Variants in NLGN1 observed in about 807,000 individuals in gnomAD.
The protein encoded by NLGN1 is neuroligin-1.
A neutral mutation model predicts 65.5 loss-of-function variants in NLGN1; 12 were observed. The ratio of observed to expected loss-of-function variants is 0.18; its 90% CI spans 0.12 to 0.30. The LOEUF (loss-of-function observed/expected upper bound fraction) is 0.30, where lower values mean the gene tolerates loss of function less well. NLGN1 is among the 10% of genes least tolerant of loss of function. NLGN1 has a pLI of 1.00. For synonymous variants in NLGN1, 350 were observed against 359.5 expected, an observed-to-expected ratio of 0.97 and a Z score of 0.30; for missense variants, 750 against 1,007.1, an observed-to-expected ratio of 0.74 and a Z score of 3.46.
chr3:173,702,092 A>G (rs1767263432), intron 3 of NLGN1, among the ~76,000 whole-genome samples: 1 of 151,042 alleles, frequency 6.6e-6, no homozygotes, highest in Non-Finnish European at 1.5e-5. Context: ...ACAAAAAATT[A>G]GCTGGGCGTA....
At chr3:174,282,593 G>GTGTGAT (rs1268776964) in exon 7 of NLGN1, 2 of 152,114 alleles carry the variant, frequency 1.3e-5, no homozygotes, top group Admixed American at 1.3e-4. Flanking sequence ...TTACACATAT[G>GTGTGAT]TGTGATTTTA....
intron 4 of NLGN1, among the ~76,000 whole-genome samples, chr3:173,831,686 C>T (rs372951453): frequency 2.0e-5 from 3 of 152,212 alleles, no homozygotes; most frequent in South Asian, 2.1e-4. Context: ...ATAACAATCA[C>T]GTGCATTTTA....
At chr3:173,539,799 T>TATATATGTAC (rs766904462) in intron 2 of NLGN1, among the ~76,000 whole-genome samples, 1 of 43,910 alleles carries the variant, frequency 2.3e-5, no homozygotes, top group African/African-American at 9.1e-5. Context: ...CATATATACA[T>TATATATGTAC]ATATATACAT....
At chr3:173,587,181 G>T (rs1747609056) in intron 2 of NLGN1, among the ~76,000 whole-genome samples, 1 of 152,162 alleles carries the variant, frequency 6.6e-6, no homozygotes, top group Non-Finnish European at 1.5e-5. Flanking sequence ...ATGTGCCTTT[G>T]TAGTGCCTGG....
intron 4 of NLGN1, among the ~76,000 whole-genome samples, chr3:173,867,463 A>G (rs142544542): frequency 0.021 from 3,268 of 152,282 alleles, 41 homozygotes; most frequent in African/African-American, 0.038. Context: ...TCTTTGATAA[A>G]TAAATTGAGC....
chr3:174,150,785 G>A (rs181815126), intron 4 of NLGN1, among the ~76,000 whole-genome samples: 3 of 152,202 alleles, frequency 2.0e-5, no homozygotes, highest in Non-Finnish European at 2.9e-5. Flanking sequence ...GTAGAAAGCC[G>A]TAATGTTGGA....
intron 2 of NLGN1, among the ~76,000 whole-genome samples, chr3:173,601,804 TA>T (rs1750586694): frequency 6.6e-6 from 1 of 151,958 alleles, no homozygotes; most frequent in African/African-American, 2.4e-5. Context: ...AAAATATGTA[TA>T]AAAATATATA....
intron 4 of NLGN1, among the ~76,000 whole-genome samples, chr3:174,180,532 T>C (rs1248195523): frequency 6.6e-6 from 1 of 152,172 alleles, no homozygotes; most frequent in Non-Finnish European, 1.5e-5. Flanking sequence ...GTCTCTTCTC[T>C]CTTAAAGCCA....
At chr3:173,591,641 C>T (rs1230622525) in intron 2 of NLGN1, among the ~76,000 whole-genome samples, 2 of 152,200 alleles carry the variant, frequency 1.3e-5, no homozygotes, top group Non-Finnish European at 2.9e-5. Flanking sequence ...TCAAACTTAG[C>T]ACTGCCTCTG....
chr3:173,651,762 T>C (rs989035275), intron 3 of NLGN1, among the ~76,000 whole-genome samples: 6 of 152,092 alleles, frequency 3.9e-5, no homozygotes, highest in African/African-American at 1.4e-4. Flanking sequence ...ATGTCTTCTT[T>C]TGAAAAATGT....
chr3:173,716,750 A>G (rs1769920252), intron 3 of NLGN1, among the ~76,000 whole-genome samples: 1 of 126,042 alleles, frequency 7.9e-6, no homozygotes, highest in African/African-American at 2.7e-5. Context: ...TGCATAATGT[A>G]GCTTAGATTA....
intron 4 of NLGN1, among the ~76,000 whole-genome samples, chr3:174,098,034 C>T (rs764009310): frequency 6.6e-5 from 10 of 152,168 alleles, no homozygotes; most frequent in Non-Finnish European, 1.5e-4. Context: ...TATTAACATT[C>T]GTCTGATAAA....
Position 173,792,566 on chromosome 3 carries a change from CAT to C in NLGN1, c.494-15111_494-15110del, listed in dbSNP as rs200840235. Among the ~76,000 whole-genome samples, 693 of 152,118 alleles carry C rather than the reference CAT, an allele frequency of 4.6e-3. 5 individuals carry two copies. Among genetic ancestry groups the C allele is most frequent in the African/African-American group, 0.016 (650 of 41,512 alleles). On this transcript the variant is annotated intron_variant, in intron 3 of 6. Transcript: ENST00000457714. ...ATAATAAGAACTTTAAGGAATCAAA[CAT>C]ATGGAATAAAATACACAAGGTCTAA...
intron 4 of NLGN1, among the ~76,000 whole-genome samples, chr3:174,007,350 A>T (rs186210063): frequency 8.1e-4 from 123 of 152,284 alleles, no homozygotes; most frequent in Non-Finnish European, 1.6e-3. Context: ...TCTGTCCTTT[A>T]TGGTCCCATG....
intron 4 of NLGN1, among the ~76,000 whole-genome samples, chr3:174,208,847 G>A (rs1735908337): frequency 6.6e-6 from 1 of 152,116 alleles, no homozygotes; most frequent in Non-Finnish European, 1.5e-5. Context: ...ATATGATGCA[G>A]GGAGCAATGT....
chr3:174,177,380 T>C (rs1030727472), intron 4 of NLGN1, among the ~76,000 whole-genome samples: 9 of 152,078 alleles, frequency 5.9e-5, no homozygotes, highest in African/African-American at 2.2e-4. Context: ...AAAATTGTAA[T>C]ATTTACTTAA....
chr3:173,730,662 A>G (rs1772673262), intron 3 of NLGN1, among the ~76,000 whole-genome samples: 1 of 152,104 alleles, frequency 6.6e-6, no homozygotes. Context: ...TTCCATATGA[A>G]ATGAGAGTAT....
chr3:174,078,389 G>T (rs1741448385), intron 4 of NLGN1, among the ~76,000 whole-genome samples: 1 of 152,188 alleles, frequency 6.6e-6, no homozygotes, highest in Non-Finnish European at 1.5e-5. Flanking sequence ...GTGATCAACT[G>T]TCCATTGGAA....
At chr3:173,681,627 C>T (rs1485160952) in intron 3 of NLGN1, among the ~76,000 whole-genome samples, 1 of 152,098 alleles carries the variant, frequency 6.6e-6, no homozygotes, top group East Asian at 1.9e-4. Context: ...CAGAGTAAGA[C>T]ATATTTTTGG....
Sources: allele counts gnomAD v4.1 joint callset (sites outside exome capture counted in the v4.1 genomes callset), GRCh38; gene constraint gnomAD v4.1.1; transcripts MANE v1.5; gene names NCBI Gene and HGNC (gene_info 2026-07-23, HGNC 2026-07-21).